Variants in NUDT19 observed in about 807,000 individuals in gnomAD.
NUDT19 encodes the protein nudix hydrolase 19.
A neutral mutation model predicts 22.2 loss-of-function variants in NUDT19; 31 were observed. That is an observed-to-expected ratio of 1.40 (90% CI 1.05 to 1.89). The LOEUF (loss-of-function observed/expected upper bound fraction) is 1.89. NUDT19 is among the 40% of genes most tolerant of loss of function. The pLI is 0.00. For synonymous variants in NUDT19, 325 were observed against 230.8 expected (o/e 1.41, Z -3.70); for missense variants, 752 against 514.2 (o/e 1.46, Z -4.47).
At chr19:32,711,243 C>T (rs1246480561) in intron 2 of NUDT19, among the ~76,000 whole-genome samples, 1 of 152,076 alleles carries the variant, frequency 6.6e-6, no homozygotes, top group East Asian at 1.9e-4. Flanking sequence ...GTGGGTGAAT[C>T]ATTTGAGGTC....
At chr19:32,694,253 C>A (rs1354315301) in intron 1 of NUDT19, among the ~76,000 whole-genome samples, 1 of 152,164 alleles carries the variant, frequency 6.6e-6, no homozygotes, top group African/African-American at 2.4e-5. Context: ...TTTCAGAAAC[C>A]TTTTCCTGTA....
chr19:32,692,269 G>A lies in NUDT19; in HGVS notation c.309G>A (p.Ser103=). ...CATTCAGCCGCACCGCTTTCCCGTCGCTGCCCGACACCGATGACCACAAGA... is the reference window on the plus strand; with the variant it reads ...CATTCAGCCGCACCGCTTTCCCGTCACTGCCCGACACCGATGACCACAAGA... ...PAPFSRTAFP[S]LPDTDDHKTD... The change falls in exon 1 of 3, where the codon TCG becomes TCA. Residue 103 remains serine, a synonymous_variant. Transcript: ENST00000397061. The A allele has an allele frequency of 6.3e-7, 1 of 1,592,008 alleles. No homozygotes were observed. Among genetic ancestry groups the A allele is most frequent in the Non-Finnish European group, 8.5e-7 (1 of 1,177,420 alleles).
rs200671195 is a variant in NUDT19, at chr19:32,692,669, T to A, written c.709T>A (p.Tyr237Asn). Reference sequence around the variant, plus strand: ...CCCCGACTTGGCGGAGGTGGTGGGCTACCAGGTAAGGCCTGCTCAGGGCCT... The same window carrying A: ...CCCCGACTTGGCGGAGGTGGTGGGCAACCAGGTAAGGCCTGCTCAGGGCCT... Reference protein sequence around the residue: ...VYPDLAEVVGYQWSSPSEATE... With the variant: ...VYPDLAEVVGNQWSSPSEATE... Residue 237 changes from tyrosine (Y) to asparagine (N), a missense_variant, in exon 1 of 3, where the codon TAC (tyrosine) becomes AAC (asparagine). By Grantham distance (143) the Tyr-to-Asn change is moderately radical. Coordinates refer to ENST00000397061, the MANE Select transcript of NUDT19 (RefSeq NM_001105570.2). 1.3e-3 allele frequency: 1,946 copies of A among 1,505,018 alleles called. 2 individuals carry two copies. Among genetic ancestry groups the A allele is most frequent in the Non-Finnish European group, 1.6e-3 (1,858 of 1,134,334 alleles). The allele number at this position is 1,505,018 out of a possible 1,614,324, so 93.2% of individuals were successfully genotyped here.
chr19:32,692,812 T>A (rs56053629), intron 1 of NUDT19, 138 bp downstream of exon 1: 32,620 of 599,838 alleles, frequency 0.054, 1,910 homozygotes, highest in African/African-American at 0.21. Flanking sequence ...TTAGACGGGC[T>A]GGAAACTCTC....
At position 32,692,277 on chromosome 19, in the gene NUDT19, A is replaced by G; in HGVS notation, c.317A>G (p.Asp106Gly). The G allele has an allele frequency of 6.3e-7, 1 of 1,592,602 alleles. No individual in the cohort carries two copies. The highest frequency in any genetic ancestry group is 8.5e-7 in the Non-Finnish European group (1 of 1,177,632). ...CGCACCGCTTTCCCGTCGCTGCCCG[A>G]CACCGATGACCACAAGACCGACAAC... ...FSRTAFPSLP[D>G]TDDHKTDNTG... is the part of the protein sequence containing the mutation. The change falls in exon 1 of 3, where the codon GAC becomes GGC. Residue 106 changes from aspartate (D) to glycine (G), a missense_variant. Coordinates refer to ENST00000397061, the MANE Select transcript of NUDT19 (RefSeq NM_001105570.2).
intron 1 of NUDT19, 105 bp from the exon 2 acceptor site, chr19:32,709,080 T>C: frequency 1.3e-6 from 1 of 785,016 alleles, no homozygotes; most frequent in Admixed American, 1.9e-5. Flanking sequence ...CATTAATGAA[T>C]TCATTTTACA....
rs751991359 is a variant in NUDT19, at chr19:32,699,263, CAAAG to C, written c.714+6594_714+6597del. Among the ~76,000 whole-genome samples the C allele has an allele frequency of 3.4e-3, 510 of 152,230 alleles. 1 individual carries two copies. Among genetic ancestry groups the C allele is most frequent in the African/African-American group, 0.012 (482 of 41,540 alleles). On this transcript the variant is annotated intron_variant, in intron 1 of 2. Coordinates refer to ENST00000397061, the MANE Select transcript of NUDT19 (RefSeq NM_001105570.2). ...TGGTTTTTAGAAGTGGGACTAGCCT[CAAAG>C]AAAGGCGAGAGGAAGTTTGTCTGAC... is the stretch of plus-strand genomic sequence containing the variant.
At position 32,697,056 on chromosome 19, in the gene NUDT19, A is replaced by G. The variant is rs185644453; in HGVS notation, c.714+4382A>G. ...GGGGCAGCTTGTTTCTCATAGGACA[A>G]TCTTTTTTTTAAAAAGTGTCCTTGT... On this transcript the variant is annotated intron_variant, in intron 1 of 2. Coordinates refer to ENST00000397061, the MANE Select transcript of NUDT19 (RefSeq NM_001105570.2). 1.8e-4 allele frequency among the ~76,000 whole-genome samples: 28 copies of G among 152,188 alleles called. No homozygotes were observed. In the Middle Eastern group the frequency reaches 0.01, roughly 55 times the overall value.
rs141642197 is a variant in NUDT19, at chr19:32,692,791, G to T, written c.714+117G>T. On this transcript the variant is annotated intron_variant, in intron 1 of 2. Coordinates refer to ENST00000397061, the MANE Select transcript of NUDT19 (RefSeq NM_001105570.2). Reference sequence around the variant, plus strand: ...AGGCCAAGCCCAGAGAGATTAAGCAGCAAGGAACGCTTAGACGGGCTGGAA... The same window carrying T: ...AGGCCAAGCCCAGAGAGATTAAGCATCAAGGAACGCTTAGACGGGCTGGAA... 449 of 692,826 alleles carry T rather than the reference G, an allele frequency of 6.5e-4. 9 individuals are homozygous for T. In the South Asian group the frequency reaches 7.7e-3, roughly 12 times the overall value. The allele number at this position is 692,826 out of a possible 1,614,324, so 42.9% of individuals were successfully genotyped here. A position where few individuals can be genotyped will look rare whatever the true frequency, so the allele number is the denominator to read the frequency against.
rs764257348 is a variant in NUDT19, at chr19:32,692,178, C to A, written c.218C>A (p.Ser73Ter). ...GGAGTGCTGGATGCGGCCGACCGCT[C>A]GGCGGACTGGCTGGGCCTCTTCGCG... is the stretch of plus-strand genomic sequence containing the variant. ...SGGVLDAADRSADWLGLFAPH... is the reference protein window; with the variant it reads ...SGGVLDAADR Residue 73 changes from serine (S) to a stop codon, truncating the protein, a stop_gained, in exon 1 of 3, where the codon TCG (serine) becomes TAG (stop). Coordinates refer to ENST00000397061, the MANE Select transcript of NUDT19 (RefSeq NM_001105570.2). LOFTEE classifies it high-confidence loss of function. The A allele has an allele frequency of 1.3e-6, 2 of 1,548,976 alleles. No individual in the cohort carries two copies. Among genetic ancestry groups the A allele is most frequent in the Admixed American group, 1.9e-5 (1 of 52,696 alleles).
rs1230873733 is a variant in NUDT19, at chr19:32,709,394, T to C, written c.922+2T>C. On this transcript the variant is annotated splice_donor_variant, in intron 2 of 2. Transcript: ENST00000397061. LOFTEE classifies it high-confidence loss of function. ...ATGGGATGGTCCATCTTTTACCAGG[T>C]AAACCAGTGAAGCATCGGTGCTTTT... The C allele has an allele frequency of 6.2e-6, 10 of 1,613,228 alleles. No individual in the cohort carries two copies. The African/African-American group carries it at 1.1e-4, about 17-fold the overall frequency.
At chr19:32,695,664 T>C (rs1968254813) in intron 1 of NUDT19, among the ~76,000 whole-genome samples, 1 of 152,204 alleles carries the variant, frequency 6.6e-6, no homozygotes, top group South Asian at 2.1e-4. Context: ...TTCCCCTTTT[T>C]GATGGCTTCG....
intron 1 of NUDT19, among the ~76,000 whole-genome samples, chr19:32,696,010 C>A (rs1455626673): frequency 6.6e-6 from 1 of 152,130 alleles, no homozygotes; most frequent in Non-Finnish European, 1.5e-5. Context: ...GAACTTCCAT[C>A]GGTATATAGG....
At chr19:32,697,925 A>G (rs1262929766) in intron 1 of NUDT19, among the ~76,000 whole-genome samples, 3 of 152,152 alleles carry the variant, frequency 2.0e-5, no homozygotes, top group Non-Finnish European at 2.9e-5. Flanking sequence ...CGCTCCCCCT[A>G]CAGCTTGAAG....
chr19:32,705,738 C>T (rs1827701), intron 1 of NUDT19, among the ~76,000 whole-genome samples: 27,450 of 151,866 alleles, frequency 0.18, 2,593 homozygotes, highest in African/African-American at 0.22. Flanking sequence ...GCACATGCCA[C>T]CATGCCTGGC....
chr19:32,692,271 T>G lies in NUDT19; in HGVS notation c.311T>G (p.Leu104Arg), dbSNP rs1189584216. 1 of 1,592,394 alleles carries G rather than the reference T, an allele frequency of 6.3e-7. No individual in the cohort carries two copies. The highest frequency in any genetic ancestry group is 1.7e-5 in the Admixed American group (1 of 59,720). Residue 104 changes from leucine (L) to arginine (R), a missense_variant, in exon 1 of 3, where the codon CTG becomes CGG. By Grantham distance (102) the Leu-to-Arg change is moderately radical (BLOSUM62 -2). Coordinates refer to ENST00000397061, the MANE Select transcript of NUDT19 (RefSeq NM_001105570.2). ...APFSRTAFPS[L>R]PDTDDHKTDN... is the part of the protein sequence containing the mutation. The stretch of plus-strand genomic sequence containing the variant: ...TTCAGCCGCACCGCTTTCCCGTCGC[T>G]GCCCGACACCGATGACCACAAGACC...
intron 1 of NUDT19, 126 bp from the exon 2 acceptor site, chr19:32,709,059 C>T: frequency 1.4e-6 from 1 of 719,680 alleles, no homozygotes; most frequent in Non-Finnish European, 2.5e-6. Context: ...TTTGAGGGAT[C>T]TCACAGGGCG....
At chr19:32,707,970 T>C (rs1313533144) in intron 1 of NUDT19, among the ~76,000 whole-genome samples, 1 of 145,746 alleles carries the variant, frequency 6.9e-6, no homozygotes, top group Non-Finnish European at 1.5e-5. Flanking sequence ...AGAGCAAGAC[T>C]CCGTTTCAAA....
rs1363885693 is a variant in NUDT19, at chr19:32,713,074, T to C, written c.*1117T>C. ...TATGTCTTTAGCTTAATGATTAAGA[T>C]ACAATTCTTTTTAAAATCAAATGGT... On this transcript the variant is annotated 3_prime_UTR_variant, in exon 3 of 3. Transcript: ENST00000397061. 3 of 152,206 alleles carry C rather than the reference T, an allele frequency of 2.0e-5. No homozygotes were observed. Among genetic ancestry groups the C allele is most frequent in the Non-Finnish European group, 4.4e-5 (3 of 68,030 alleles). The allele number at this position is 152,206 out of a possible 1,614,324, so 9.4% of individuals were successfully genotyped here.
Sources: allele counts gnomAD v4.1 joint callset (sites outside exome capture counted in the v4.1 genomes callset), GRCh38; gene constraint gnomAD v4.1.1; transcripts MANE v1.5; gene names NCBI Gene and HGNC (gene_info 2026-07-23, HGNC 2026-07-21).